Variants in PELI1 observed in about 807,000 individuals in gnomAD.
PELI1 encodes E3 ubiquitin-protein ligase pellino homolog 1.
In PELI1, 15 loss-of-function variants were observed where a neutral mutation model predicts 41.3. The observed-to-expected ratio is 0.36, with a 90% CI of 0.24 to 0.56. The LOEUF is 0.56. Ranked by LOEUF, PELI1 falls within the 20% of genes least tolerant of loss-of-function variation. The pLI is 0.82. For synonymous variants in PELI1, 178 were observed against 180.1 expected (o/e 0.99, Z 0.09); for missense variants, 403 against 525.5 (o/e 0.77, Z 2.28).
At chr2:64,115,954 G>T (rs1339865109) in intron 1 of PELI1, among the ~76,000 whole-genome samples, 1 of 152,212 alleles carries the variant, frequency 6.6e-6, no homozygotes, top group East Asian at 1.9e-4. Context: ...CCATTTCCTG[G>T]TAGTGACCAA....
chr2:64,095,333 T>C lies in PELI1; in HGVS notation c.691-65A>G, dbSNP rs1413248544. On this transcript the variant is annotated intron_variant, in intron 6 of 6. Coordinates refer to ENST00000358912, the MANE Select transcript of PELI1 (RefSeq NM_020651.4). Reference sequence around the variant, plus strand: ...GTTTTGGATTTTTACATAAGTGTTTTGGTTTTAAGTACTCCTTACTCAAGA... The same window carrying C: ...GTTTTGGATTTTTACATAAGTGTTTCGGTTTTAAGTACTCCTTACTCAAGA... 27 of 1,041,978 alleles carry C rather than the reference T, an allele frequency of 2.6e-5. No individual in the cohort carries two copies. In the South Asian group the frequency reaches 2.9e-4, roughly 11 times the overall value. 64.5% of individuals were successfully genotyped at this position (1,041,978 alleles called of 1,614,324 possible). A position where few individuals can be genotyped will look rare whatever the true frequency, so the allele number is the denominator to read the frequency against.
At position 64,096,164 on chromosome 2, in the gene PELI1, G is replaced by C; in HGVS notation, c.651C>G (p.Ser217Arg). 6.2e-7 allele frequency: 1 copy of C among 1,613,902 alleles called. No homozygotes were observed. Among genetic ancestry groups the C allele is most frequent in the Non-Finnish European group, 8.5e-7 (1 of 1,179,926 alleles). ...REISVCGNVF[S>R]LRETRSAQQR... ...GCTGAGCCGATCTGGTTTCACGTAG[G>C]CTAAATACATTTCCACACACCGATA... The change falls in exon 6 of 7, where the codon AGC becomes AGG. Residue 217 changes from serine to arginine, a missense_variant. Ser to Arg is a moderately radical substitution (Grantham distance 110, BLOSUM62 -1). Coordinates refer to ENST00000358912, the MANE Select transcript of PELI1 (RefSeq NM_020651.4).
chr2:64,108,151 A>C, intron 2 of PELI1, 89 bp downstream of exon 2: 1 of 714,710 alleles, frequency 1.4e-6, no homozygotes, highest in African/African-American at 1.8e-5. Context: ...GTAAGATATA[A>C]ATTCCAAAAA....
chr2:64,141,519 C>T (rs1681915225), intron 1 of PELI1, among the ~76,000 whole-genome samples: 1 of 152,050 alleles, frequency 6.6e-6, no homozygotes, highest in Non-Finnish European at 1.5e-5. Flanking sequence ...GGCTTAAAAT[C>T]TTTATCAGCT....
intron 1 of PELI1, among the ~76,000 whole-genome samples, chr2:64,111,351 C>A (rs184727664): frequency 6.6e-6 from 1 of 152,090 alleles, no homozygotes; most frequent in African/African-American, 2.4e-5. Flanking sequence ...CATTCTGACC[C>A]CTACTAATCC....
chr2:64,136,063 T>C (rs1316181921), intron 1 of PELI1, among the ~76,000 whole-genome samples: 1 of 152,156 alleles, frequency 6.6e-6, no homozygotes, highest in Non-Finnish European at 1.5e-5. Flanking sequence ...TCCACAAAAA[T>C]GGAAATGAAA....
intron 1 of PELI1, among the ~76,000 whole-genome samples, chr2:64,113,681 G>C (rs763008056): frequency 3.9e-5 from 6 of 152,168 alleles, no homozygotes; most frequent in Non-Finnish European, 8.8e-5. Flanking sequence ...TGTGGGCTGG[G>C]AGAACATGAA....
intron 1 of PELI1, among the ~76,000 whole-genome samples, chr2:64,115,360 G>C (rs1456798964): frequency 6.6e-6 from 1 of 152,170 alleles, no homozygotes; most frequent in South Asian, 2.1e-4. Flanking sequence ...ATTCTTTTAG[G>C]TCAACAGAGG....
chr2:64,125,053 T>C (rs1291968926), intron 1 of PELI1, among the ~76,000 whole-genome samples: 1 of 121,250 alleles, frequency 8.2e-6, no homozygotes, highest in Non-Finnish European at 1.6e-5. Context: ...AACAGCCAAA[T>C]GGAAGAGATG....
At chr2:64,099,982 G>C (rs1338877748) in intron 4 of PELI1, among the ~76,000 whole-genome samples, 1 of 152,202 alleles carries the variant, frequency 6.6e-6, no homozygotes, top group Non-Finnish European at 1.5e-5. Flanking sequence ...GAAGGTGGGA[G>C]GTAGTGGTAG....
intron 2 of PELI1, among the ~76,000 whole-genome samples, chr2:64,107,719 C>T (rs533455127): frequency 2.6e-5 from 4 of 151,998 alleles, no homozygotes; most frequent in African/African-American, 4.8e-5. Flanking sequence ...ACTCTGTTGC[C>T]CAGGCTGGAG....
chr2:64,096,569 A>G lies in PELI1; in HGVS notation c.345T>C (p.Thr115=), dbSNP rs1369164181. 1 of 1,613,268 alleles carries G rather than the reference A, an allele frequency of 6.2e-7. No individual in the cohort carries two copies. Among genetic ancestry groups the G allele is most frequent in the South Asian group, 1.1e-5 (1 of 91,064 alleles). ...TACTTTGACTTCCAGGAACCGTGTC[A>G]GTTACTACAAAATCAATGGGGCTTT... The part of the protein sequence containing the change: ...STESPIDFVV[T]DTVPGSQSNS... Residue 115 remains threonine, a synonymous_variant, in exon 5 of 7, where the codon ACT becomes ACC. Transcript: ENST00000358912.
At chr2:64,098,751 G>C (rs1196421542) in intron 4 of PELI1, among the ~76,000 whole-genome samples, 1 of 152,104 alleles carries the variant, frequency 6.6e-6, no homozygotes, top group Non-Finnish European at 1.5e-5. Context: ...CAGTTTACAG[G>C]GTAGACAATC....
intron 1 of PELI1, among the ~76,000 whole-genome samples, chr2:64,140,509 C>T (rs778567136): frequency 6.6e-5 from 10 of 151,916 alleles, no homozygotes; most frequent in Non-Finnish European, 1.2e-4. Context: ...TGTTAAACTA[C>T]CAGATGAAGC....
chr2:64,138,788 A>G (rs928066057), intron 1 of PELI1, among the ~76,000 whole-genome samples: 2 of 152,108 alleles, frequency 1.3e-5, no homozygotes, highest in African/African-American at 4.8e-5. Flanking sequence ...CCTCATACAC[A>G]TATCCCATTT....
intron 4 of PELI1, among the ~76,000 whole-genome samples, chr2:64,099,229 G>C (rs1680344430): frequency 1.3e-5 from 2 of 150,852 alleles, no homozygotes; most frequent in Admixed American, 6.6e-5. Flanking sequence ...TTTTATTAAA[G>C]AGACGAAGTC....
intron 4 of PELI1, among the ~76,000 whole-genome samples, chr2:64,098,702 T>G (rs1354797478): frequency 6.6e-6 from 1 of 152,174 alleles, no homozygotes; most frequent in South Asian, 2.1e-4. Context: ...AGAGTTGGAG[T>G]TGGAATATCT....
At chr2:64,100,693 A>G (rs1680397241) in intron 3 of PELI1, among the ~76,000 whole-genome samples, 194 bp from the exon 4 acceptor site, 1 of 152,146 alleles carries the variant, frequency 6.6e-6, no homozygotes, top group African/African-American at 2.4e-5. Flanking sequence ...GTACTGAAGA[A>G]TATTTAGAAG....
intron 1 of PELI1, among the ~76,000 whole-genome samples, chr2:64,137,541 C>T (rs2103745898): frequency 6.6e-6 from 1 of 152,092 alleles, no homozygotes; most frequent in Middle Eastern, 3.4e-3. Flanking sequence ...TAGTATGGTG[C>T]CTTCCATACT....
Sources: gnomAD v4.1 joint callset for allele counts (sites outside exome capture counted in the v4.1 genomes callset) on GRCh38, gnomAD v4.1.1 for gene constraint, MANE v1.5 for transcripts, NCBI Gene and HGNC (gene_info 2026-07-23, HGNC 2026-07-21) for gene names.